Variants in PBX3 observed in about 807,000 individuals in gnomAD.
The protein encoded by PBX3 is pre-B-cell leukemia transcription factor 3.
PBX3 carries 14 observed loss-of-function variants against 48.5 expected under a neutral mutation model. That is an observed-to-expected ratio of 0.29 (90% confidence interval 0.19 to 0.45). The LOEUF (loss-of-function observed/expected upper bound fraction) is 0.45. PBX3 is among the 20% of genes least tolerant of loss of function. The pLI is 1.00. For synonymous variants in PBX3, 210 were observed against 200.3 expected (o/e 1.05, Z -0.41); for missense variants, 386 against 546.7 (o/e 0.71, Z 2.93).
rs1842551039 is a variant in PBX3 at position 125,967,151 on chromosome 9, A to G, written c.*1228A>G. On this transcript the variant is annotated 3_prime_UTR_variant, in exon 9 of 9. Coordinates refer to ENST00000373489, the MANE Select transcript of PBX3 (RefSeq NM_006195.6). ...TTCAGATTTCAGTATTCAGTACTGT[A>G]TATTTCACCCTGTGTAATGGGGCCC... is the stretch of plus-strand genomic sequence containing the variant. The G allele has an allele frequency of 6.6e-6, 1 of 150,752 alleles. No individual in the cohort carries two copies. Among genetic ancestry groups the G allele is most frequent in the South Asian group, 2.1e-4 (1 of 4,786 alleles). 9.3% of individuals were successfully genotyped at this position (150,752 alleles called of 1,614,324 possible). A position where few individuals can be genotyped will look rare whatever the true frequency, so the allele number is the denominator to read the frequency against.
At chr9:125,879,895 T>A (rs900128698) in intron 2 of PBX3, among the ~76,000 whole-genome samples, 1 of 152,232 alleles carries the variant, frequency 6.6e-6, no homozygotes, top group Admixed American at 6.5e-5. Flanking sequence ...TTGAATACTT[T>A]CTCTGGGAAA....
chr9:125,942,030 C>T (rs182282815), intron 5 of PBX3, among the ~76,000 whole-genome samples: 1 of 152,286 alleles, frequency 6.6e-6, no homozygotes, highest in Admixed American at 6.5e-5. Context: ...GGTATTTATT[C>T]ACTCAACCAA....
At chr9:125,790,586 TA>T (rs1837572936) in intron 2 of PBX3, among the ~76,000 whole-genome samples, 1 of 151,802 alleles carries the variant, frequency 6.6e-6, no homozygotes, top group Non-Finnish European at 1.5e-5. Context: ...TTAATTTTTT[TA>T]AAACAGAGTC....
intron 2 of PBX3, among the ~76,000 whole-genome samples, chr9:125,892,977 A>T (rs1840685113): frequency 6.6e-6 from 1 of 152,108 alleles, no homozygotes; most frequent in Non-Finnish European, 1.5e-5. Flanking sequence ...ACAGAGCTTT[A>T]TTTTATTTAA....
chr9:125,837,894 C>T (rs1839183963), intron 2 of PBX3, among the ~76,000 whole-genome samples: 1 of 152,080 alleles, frequency 6.6e-6, no homozygotes, highest in Non-Finnish European at 1.5e-5. Context: ...CCGGCCTAGA[C>T]TTTCTATAGT....
intron 4 of PBX3, among the ~76,000 whole-genome samples, chr9:125,935,069 C>T (rs1038618425): frequency 1.3e-5 from 2 of 152,184 alleles, no homozygotes; most frequent in Non-Finnish European, 2.9e-5. Flanking sequence ...CACACATTCC[C>T]TGTCTTTTAC....
rs757807700 is a variant in PBX3 at position 125,748,558 on chromosome 9, C to G, written c.209C>G (p.Ala70Gly). ...SLDEAQAKKH[A>G]LNCHRMKPAL... The stretch of plus-strand genomic sequence containing the variant: ...CGTTATTTGTTTTTTAGGAAACATG[C>G]CCTGAACTGTCACAGAATGAAACCA... Residue 70 changes from alanine (A) to glycine (G), a missense_variant, in exon 2 of 9, where the codon GCC becomes GGC. Physicochemically the swap from Ala to Gly is moderately conservative, Grantham distance 60 (BLOSUM62 0). This residue lies in a region of PBX3 where 116 missense variants were observed against 98.2 expected (regional missense o/e 1.18). Coordinates refer to ENST00000373489, the MANE Select transcript of PBX3 (RefSeq NM_006195.6). The G allele has an allele frequency of 6.2e-7, 1 of 1,613,594 alleles. No individual in the cohort carries two copies. The highest frequency in any genetic ancestry group is 8.5e-7 in the Non-Finnish European group (1 of 1,179,728).
intron 2 of PBX3, among the ~76,000 whole-genome samples, chr9:125,765,104 G>A (rs991070988): frequency 1.3e-5 from 2 of 151,610 alleles, no homozygotes; most frequent in Non-Finnish European, 2.9e-5. Flanking sequence ...ACAGGTTCTT[G>A]TAAATGGCAT....
At chr9:125,908,193 C>G (rs1258117886) in intron 2 of PBX3, among the ~76,000 whole-genome samples, 2 of 152,028 alleles carry the variant, frequency 1.3e-5, no homozygotes, top group African/African-American at 2.4e-5. Flanking sequence ...TGAACTGGGT[C>G]TGGGAGGAAC....
chr9:125,897,718 A>G (rs970168431), intron 2 of PBX3, among the ~76,000 whole-genome samples: 1 of 151,902 alleles, frequency 6.6e-6, no homozygotes, highest in South Asian at 2.1e-4. Context: ...AGTAAGAAAC[A>G]GCATTAAAGT....
At chr9:125,877,087 A>C (rs961933309) in intron 2 of PBX3, among the ~76,000 whole-genome samples, 68 of 152,218 alleles carry the variant, frequency 4.5e-4, no homozygotes, top group African/African-American at 1.5e-3. Flanking sequence ...ATGTCTTTCT[A>C]GTGAGATTAT....
At chr9:125,899,019 T>C (rs1009115863) in intron 2 of PBX3, among the ~76,000 whole-genome samples, 22 of 150,992 alleles carry the variant, frequency 1.5e-4, no homozygotes, top group Non-Finnish European at 2.8e-4. Flanking sequence ...TCAGGAGGTG[T>C]TTTTCTCCAA....
At chr9:125,880,037 T>A (rs1462080649) in intron 2 of PBX3, among the ~76,000 whole-genome samples, 1 of 152,138 alleles carries the variant, frequency 6.6e-6, no homozygotes, top group Non-Finnish European at 1.5e-5. Context: ...GTTGTTGACA[T>A]TGTTGTCATT....
intron 2 of PBX3, among the ~76,000 whole-genome samples, chr9:125,906,953 A>C (rs1177435820): frequency 6.6e-6 from 1 of 152,044 alleles, no homozygotes; most frequent in Non-Finnish European, 1.5e-5. Flanking sequence ...CTTATTTCAG[A>C]ACAAATCAAC....
At chr9:125,814,279 T>C (rs1251231008) in intron 2 of PBX3, among the ~76,000 whole-genome samples, 1 of 151,428 alleles carries the variant, frequency 6.6e-6, no homozygotes, top group South Asian at 2.1e-4. Flanking sequence ...TTTTCTATAC[T>C]TTGAAAAGTT....
intron 8 of PBX3, among the ~76,000 whole-genome samples, 170 bp from the exon 9 acceptor site, chr9:125,965,661 C>T (rs1404637693): frequency 1.3e-5 from 2 of 152,214 alleles, no homozygotes; most frequent in Non-Finnish European, 2.9e-5. Flanking sequence ...ATTTGTTTTA[C>T]ATGCATTTAA....
At position 125,909,251 on chromosome 9, in the gene PBX3, C is replaced by T. The variant is rs562340672; in HGVS notation, c.275-6435C>T. On this transcript the variant is annotated intron_variant, in intron 2 of 8. Transcript: ENST00000373489. Reference sequence around the variant, plus strand: ...GCAAGTGGAAAGTCTTCAAAATTTGCCTTTGCCAGCCAACAGTACTTTCAG... The same window carrying T: ...GCAAGTGGAAAGTCTTCAAAATTTGTCTTTGCCAGCCAACAGTACTTTCAG... Among the ~76,000 whole-genome samples, 241 of 152,160 alleles carry T rather than the reference C, an allele frequency of 1.6e-3. 2 individuals are homozygous for T. Among genetic ancestry groups the T allele is most frequent in the South Asian group, 6.6e-3 (32 of 4,816 alleles).
chr9:125,760,811 T>G (rs906762753), intron 2 of PBX3, among the ~76,000 whole-genome samples: 2 of 152,230 alleles, frequency 1.3e-5, no homozygotes, highest in African/African-American at 4.8e-5. Context: ...TGATGTCACC[T>G]TTGAATTCAC....
At chr9:125,935,867 AT>A (rs1317837248) in intron 5 of PBX3, among the ~76,000 whole-genome samples, 11 of 152,222 alleles carry the variant, frequency 7.2e-5, no homozygotes, top group Non-Finnish European at 1.6e-4. Flanking sequence ...TAAACATGCC[AT>A]GGGGAGAGAC....
Sources: gnomAD v4.1 joint callset for allele counts (sites outside exome capture counted in the v4.1 genomes callset) on GRCh38, gnomAD v4.1.1 for gene constraint, gnomAD v4.1.1 regional missense constraint, MANE v1.5 for transcripts, NCBI Gene and HGNC (gene_info 2026-07-23, HGNC 2026-07-21) for gene names.